Variants in PRAMEF19 observed in about 807,000 individuals in gnomAD.
The protein encoded by PRAMEF19 is PRAME family member 19.
In PRAMEF19, 21 loss-of-function variants were observed where a neutral mutation model predicts 33.1. That is an observed-to-expected ratio of 0.63 (90% CI 0.45 to 0.91). The LOEUF (loss-of-function observed/expected upper bound fraction) is 0.91, where lower values mean the gene tolerates loss of function less well. Among genes scored for constraint, PRAMEF19 ranks in the 40% least tolerant of loss-of-function variants. The probability of loss-of-function intolerance (pLI) is 0.00; values close to 1 mark genes in which losing one functional copy is unlikely to be tolerated. For synonymous variants in PRAMEF19, 179 were observed against 229.3 expected (o/e 0.78, Z 1.98); for missense variants, 481 against 585.2 (o/e 0.82, Z 1.84).
chr1:13,371,653 T>A, exon 1 of PRAMEF19: 4 of 1,610,484 alleles, frequency 2.5e-6, no homozygotes, highest in Non-Finnish European at 3.4e-6. Flanking sequence ...ATCAATCCCA[T>A]CCACTACATA....
chr1:13,371,058 C>T, exon 2 of PRAMEF19: 1 of 1,612,074 alleles, frequency 6.2e-7, no homozygotes, highest in East Asian at 2.2e-5. Flanking sequence ...TTGAGGCAAA[C>T]ATCCATGAAC....
At position 13,371,754 on chromosome 1, in the gene PRAMEF19, G is replaced by T; in HGVS notation, c.147C>A (p.Cys49Ter). The change falls in exon 1 of 3, where the codon TGC (cysteine) becomes TGA (stop). Residue 49 changes from cysteine (C) to a stop codon, truncating the protein, a stop_gained. Transcript: ENST00000376101. LOFTEE classifies it high-confidence loss of function. ...CCTGCACCATCACCTTCAGAACCTC[G>T]CAGCATCTGCTAGTGAAGGCCTCCA... The T allele has an allele frequency of 6.2e-7, 1 of 1,610,000 alleles. No homozygotes were observed. The highest frequency in any genetic ancestry group is 8.5e-7 in the Non-Finnish European group (1 of 1,179,318).
exon 3 of PRAMEF19, chr1:13,369,312 G>A (rs4462136): frequency 0.043 from 68,660 of 1,584,314 alleles, 2,250 homozygotes; most frequent in East Asian, 0.24. Flanking sequence ...CCTGTGTGGC[G>A]CAGCAGGTCC....
chr1:13,369,156 A>C, exon 3 of PRAMEF19: 1 of 1,612,002 alleles, frequency 6.2e-7, no homozygotes, highest in Non-Finnish European at 8.5e-7. Flanking sequence ...GGACCAAAGA[A>C]GATCCTGTTG....
exon 2 of PRAMEF19, chr1:13,371,091 C>T: frequency 6.2e-7 from 1 of 1,612,204 alleles, no homozygotes; most frequent in Non-Finnish European, 8.5e-7. Context: ...TGCTTCTCTC[C>T]TGTCCTTGGA....
exon 3 of PRAMEF19, chr1:13,369,169 C>T: frequency 6.2e-7 from 1 of 1,611,980 alleles, no homozygotes; most frequent in South Asian, 1.1e-5. Context: ...TCCTGTTGGG[C>T]TCCCTTACTT....
chr1:13,368,481 C>A (rs1640627088), downstream of PRAMEF19, among the ~76,000 whole-genome samples: 1 of 152,080 alleles, frequency 6.6e-6, no homozygotes, highest in Non-Finnish European at 1.5e-5. Flanking sequence ...GAACTTAAAT[C>A]ACAGATGAAC....
chr1:13,369,562 C>G, exon 3 of PRAMEF19: 2 of 1,613,866 alleles, frequency 1.2e-6, no homozygotes, highest in Non-Finnish European at 1.7e-6. Flanking sequence ...GACTTGGGTA[C>G]CAGGGCAGAC....
exon 2 of PRAMEF19, chr1:13,370,789 G>T (rs1640661826): frequency 6.2e-7 from 1 of 1,613,942 alleles, no homozygotes; most frequent in African/African-American, 1.3e-5. Context: ...GGTAACCACA[G>T]CCATCGGAGA....
chr1:13,370,887 A>G (rs1640663264), exon 2 of PRAMEF19: 4 of 1,613,780 alleles, frequency 2.5e-6, no homozygotes, highest in African/African-American at 2.7e-5. Flanking sequence ...CAAATTTCCA[A>G]TACTTGGATA....
At chr1:13,370,843 A>G in exon 2 of PRAMEF19, 2 of 1,613,968 alleles carry the variant, frequency 1.2e-6, no homozygotes, top group Admixed American at 1.7e-5. Flanking sequence ...GGTAACGGCT[A>G]ACCTCTGCTA....
chr1:13,370,668 A>G (rs1640658605), exon 2 of PRAMEF19: 6 of 1,613,984 alleles, frequency 3.7e-6, no homozygotes, highest in African/African-American at 2.7e-5. Context: ...TGGTCCAGGT[A>G]GCCTTCGAAG....
chr1:13,368,819 T>C (rs1308482107), downstream of PRAMEF19, among the ~76,000 whole-genome samples: 1 of 152,076 alleles, frequency 6.6e-6, no homozygotes, highest in South Asian at 2.1e-4. Flanking sequence ...GCTCCCTTTA[T>C]AATACACCTA....
downstream of PRAMEF19, among the ~76,000 whole-genome samples, chr1:13,368,767 T>C (rs1197784550): frequency 1.3e-5 from 2 of 152,088 alleles, no homozygotes; most frequent in Admixed American, 6.5e-5. Flanking sequence ...GTGTTTTTTT[T>C]CCCACTCACA....
exon 2 of PRAMEF19, chr1:13,370,755 G>T: frequency 1.9e-6 from 3 of 1,613,928 alleles, no homozygotes; most frequent in Non-Finnish European, 2.5e-6. Flanking sequence ...GCAACTAACT[G>T]TCCTTGGCTC....
In PRAMEF19 at chr1:13,370,621, C is replaced by G. The variant is rs1640658139; in HGVS notation, c.866+28G>C. 66 of 1,613,558 alleles carry G rather than the reference C, an allele frequency of 4.1e-5. No individual in the cohort carries two copies. In the South Asian group the frequency reaches 6.8e-4, roughly 17 times the overall value. On this transcript the variant is annotated intron_variant, in intron 2 of 2. Coordinates refer to ENST00000376101, the Ensembl canonical transcript of PRAMEF19. ...ACAAAAAAAGGCTGTGCTGTGTCCC[C>G]CAGAGAAAGCTCACCATCTTTCCTC...
chr1:13,371,906 T>C, upstream of PRAMEF19: 1 of 1,611,942 alleles, frequency 6.2e-7, no homozygotes, highest in Middle Eastern at 2.3e-4. Context: ...CTCATCCTGA[T>C]AAATCTGCAA....
chr1:13,370,680 A>G, exon 2 of PRAMEF19: 2 of 1,613,948 alleles, frequency 1.2e-6, no homozygotes, highest in Non-Finnish European at 8.5e-7. Context: ...CCTTCGAAGA[A>G]GCGGATCCTT....
At chr1:13,368,749 GT>G (rs1165587382), downstream of PRAMEF19, among the ~76,000 whole-genome samples, 1 of 151,976 alleles carries the variant, frequency 6.6e-6, no homozygotes, top group African/African-American at 2.4e-5. Context: ...CCCCTGCTGG[GT>G]TTTTTTGTGT....
Sources: allele counts gnomAD v4.1 joint callset (sites outside exome capture counted in the v4.1 genomes callset), GRCh38; gene constraint gnomAD v4.1.1; transcripts MANE v1.5; gene names NCBI Gene and HGNC (gene_info 2026-07-23, HGNC 2026-07-21).